SPTLC2: variants seen among roughly 807,000 people sequenced by gnomAD.
SPTLC2 encodes the protein serine palmitoyltransferase long chain base subunit 2.
In SPTLC2, 21 loss-of-function variants were observed where a neutral mutation model predicts 62.0. That is an observed-to-expected ratio of 0.34 (90% CI 0.24 to 0.49). SPTLC2 has a LOEUF of 0.49. Ranked by LOEUF, SPTLC2 falls within the 20% of genes least tolerant of loss-of-function variation. The pLI is 0.99. For missense variants in SPTLC2, 511 were observed against 713.0 expected (o/e 0.72, Z 3.23); for synonymous variants, 261 against 261.8 (o/e 1.00, Z 0.03).
At chr14:77,540,633 C>A (rs956317503) in intron 9 of SPTLC2, among the ~76,000 whole-genome samples, 5 of 152,048 alleles carry the variant, frequency 3.3e-5, no homozygotes, top group African/African-American at 1.2e-4. Context: ...CGCCACCACA[C>A]CTGGCTAATT....
intron 9 of SPTLC2, chr14:77,535,782 A>T: frequency 3.0e-6 from 1 of 332,054 alleles, no homozygotes; most frequent in Non-Finnish European, 5.9e-6. Flanking sequence ...TTTTTGCTTG[A>T]CTGATTCCTC....
intron 5 of SPTLC2, among the ~76,000 whole-genome samples, chr14:77,569,559 A>G (rs1486148799): frequency 6.6e-6 from 1 of 151,816 alleles, no homozygotes; most frequent in African/African-American, 2.4e-5. Context: ...GACCATATAA[A>G]CAACCAAAAA....
At chr14:77,569,413 T>C (rs1239570293) in intron 5 of SPTLC2, among the ~76,000 whole-genome samples, 2 of 152,210 alleles carry the variant, frequency 1.3e-5, no homozygotes, top group Non-Finnish European at 2.9e-5. Context: ...TTGTCCCATC[T>C]GTACCTTACA....
At chr14:77,603,500 A>T (rs1189037018) in intron 1 of SPTLC2, among the ~76,000 whole-genome samples, 2 of 152,226 alleles carry the variant, frequency 1.3e-5, no homozygotes, top group Non-Finnish European at 1.5e-5. Context: ...CACAAATCAC[A>T]TAGGCTATAC....
intron 6 of SPTLC2, among the ~76,000 whole-genome samples, chr14:77,562,058 C>T (rs549596529): frequency 1.3e-5 from 2 of 152,282 alleles, no homozygotes; most frequent in South Asian, 4.1e-4. Context: ...TAAGTCTCTT[C>T]GTTAACCAGT....
chr14:77,592,359 T>G (rs1402121906), intron 2 of SPTLC2, among the ~76,000 whole-genome samples: 1 of 151,944 alleles, frequency 6.6e-6, no homozygotes, highest in East Asian at 1.9e-4. Context: ...GGTCTTGAAC[T>G]CCTGACCTCA....
intron 10 of SPTLC2, 35 bp from the exon 11 acceptor site, chr14:77,518,202 G>C (rs957701934): frequency 6.2e-7 from 1 of 1,613,672 alleles, no homozygotes. Context: ...AAACCAGGAG[G>C]AGTGAAAAAG....
At chr14:77,568,971 C>T (rs535642432) in intron 5 of SPTLC2, among the ~76,000 whole-genome samples, 1 of 152,188 alleles carries the variant, frequency 6.6e-6, no homozygotes, top group African/African-American at 2.4e-5. Context: ...AAATCAGACC[C>T]TGGCGATGAC....
At chr14:77,604,868 A>G (rs1219784262) in intron 1 of SPTLC2, among the ~76,000 whole-genome samples, 2 of 48,750 alleles carry the variant, frequency 4.1e-5, no homozygotes, top group Non-Finnish European at 1.1e-4. Context: ...CTCTTTCTCA[A>G]AAAAAAAAAA....
At chr14:77,601,869 A>T (rs1402608645) in intron 1 of SPTLC2, among the ~76,000 whole-genome samples, 1 of 152,126 alleles carries the variant, frequency 6.6e-6, no homozygotes, top group Non-Finnish European at 1.5e-5. Context: ...GACACATTTT[A>T]TCCGTGGACC....
chr14:77,553,891 T>C (rs2079568987), intron 8 of SPTLC2, among the ~76,000 whole-genome samples: 1 of 152,066 alleles, frequency 6.6e-6, no homozygotes, highest in African/African-American at 2.4e-5. Context: ...CACGGCTCAC[T>C]GCATCCTTGA....
intron 10 of SPTLC2, among the ~76,000 whole-genome samples, chr14:77,519,165 G>A (rs574458115): frequency 5.0e-4 from 76 of 152,036 alleles, no homozygotes; most frequent in African/African-American, 1.7e-3. Flanking sequence ...TCAGCCTCCC[G>A]AGCAGCTGGG....
At chr14:77,558,255 A>G (rs1029597580) in intron 6 of SPTLC2, among the ~76,000 whole-genome samples, 1 of 152,152 alleles carries the variant, frequency 6.6e-6, no homozygotes, top group Non-Finnish European at 1.5e-5. Context: ...CATGTTGGCC[A>G]GGCTTGTCTT....
At chr14:77,588,154 G>A (rs1174138398) in intron 2 of SPTLC2, among the ~76,000 whole-genome samples, 1 of 152,094 alleles carries the variant, frequency 6.6e-6, no homozygotes, top group Non-Finnish European at 1.5e-5. Flanking sequence ...GCCCACGCCA[G>A]TCTAAACTCC....
chr14:77,517,881 G>GT (rs1395743342), intron 11 of SPTLC2, among the ~76,000 whole-genome samples, 157 bp downstream of exon 11: 1 of 152,152 alleles, frequency 6.6e-6, no homozygotes, highest in Admixed American at 6.6e-5. Flanking sequence ...GTGGGTGACA[G>GT]TTTTTTTGTA....
chr14:77,615,605 A>T (rs2079962258), intron 1 of SPTLC2, among the ~76,000 whole-genome samples: 1 of 152,272 alleles, frequency 6.6e-6, no homozygotes, highest in Admixed American at 6.5e-5. Context: ...ACATTTCAAC[A>T]GAATATCTGT....
In SPTLC2 at chr14:77,508,614, C is replaced by G. The variant is rs931557455; in HGVS notation, c.*3670G>C. 1.3e-5 allele frequency: 2 copies of G among 152,198 alleles called. No homozygotes were observed. The highest frequency in any genetic ancestry group is 2.9e-5 in the Non-Finnish European group (2 of 68,042). 9.4% of individuals were successfully genotyped at this position (152,198 alleles called of 1,614,324 possible). A position where few individuals can be genotyped will look rare whatever the true frequency, so the allele number is the denominator to read the frequency against. Reference sequence around the variant, plus strand: ...TCCTCCCTGAGAAATCAGGAAATCTCTCCATGGAAGCCACTCATCCCCCTG... The same window carrying G: ...TCCTCCCTGAGAAATCAGGAAATCTGTCCATGGAAGCCACTCATCCCCCTG... On this transcript the variant is annotated 3_prime_UTR_variant, in exon 12 of 12. Coordinates refer to ENST00000216484, the MANE Select transcript of SPTLC2 (RefSeq NM_004863.4).
chr14:77,545,066 G>A (rs533426168), intron 9 of SPTLC2, among the ~76,000 whole-genome samples: 7 of 152,082 alleles, frequency 4.6e-5, no homozygotes, highest in African/African-American at 1.4e-4. Flanking sequence ...CCCCTTGAAG[G>A]AAGTCTGTCT....
intron 9 of SPTLC2, among the ~76,000 whole-genome samples, chr14:77,532,349 G>C (rs939299144): frequency 6.6e-6 from 1 of 151,962 alleles, no homozygotes; most frequent in Non-Finnish European, 1.5e-5. Context: ...AAAAATATTC[G>C]TTTTTTATCT....
Sources: gnomAD v4.1 joint callset for allele counts (sites outside exome capture counted in the v4.1 genomes callset) on GRCh38, gnomAD v4.1.1 for gene constraint, MANE v1.5 for transcripts, NCBI Gene and HGNC (gene_info 2026-07-23, HGNC 2026-07-21) for gene names.